Variants in PEMT observed in about 807,000 individuals in gnomAD.
PEMT encodes phosphatidylethanolamine N-methyltransferase.
In PEMT, 23 loss-of-function variants were observed where a neutral mutation model predicts 27.4. The ratio of observed to expected loss-of-function variants is 0.84; its 90% CI spans 0.60 to 1.19. PEMT has a LOEUF of 1.19. PEMT is among the 50% of genes most tolerant of loss of function. PEMT has a pLI of 0.00. For missense variants in PEMT, 307 were observed against 310.1 expected (o/e 0.99, Z 0.07); for synonymous variants, 137 against 139.1 (o/e 0.98, Z 0.11).
chr17:17,550,440 C>T (rs1031136429), intron 2 of PEMT, among the ~76,000 whole-genome samples: 1 of 152,072 alleles, frequency 6.6e-6, no homozygotes, highest in Non-Finnish European at 1.5e-5. Context: ...GGTGTGTGCA[C>T]AAGCCACACC....
At chr17:17,589,118 G>A (rs988675003) in intron 1 of PEMT, among the ~76,000 whole-genome samples, 7 of 152,252 alleles carry the variant, frequency 4.6e-5, no homozygotes, top group East Asian at 1.9e-4. Flanking sequence ...GTGCCGCCAC[G>A]CCTGGCTAAC....
intron 2 of PEMT, among the ~76,000 whole-genome samples, chr17:17,575,828 T>A (rs1167970587): frequency 6.6e-6 from 1 of 152,114 alleles, no homozygotes; most frequent in Non-Finnish European, 1.5e-5. Flanking sequence ...AACAGGGCAT[T>A]CTTTGGAATG....
At chr17:17,509,047 T>C (rs1232395627) in intron 5 of PEMT, among the ~76,000 whole-genome samples, 1 of 152,278 alleles carries the variant, frequency 6.6e-6, no homozygotes, top group Non-Finnish European at 1.5e-5. Flanking sequence ...GAATGTTTCA[T>C]GACACGTGAA....
At chr17:17,506,357 G>A (rs1030436166) in intron 5 of PEMT, 56 bp from the exon 6 acceptor site, 69 of 1,339,182 alleles carry the variant, frequency 5.2e-5, no homozygotes, top group Non-Finnish European at 6.4e-5. Flanking sequence ...TCAGGGCCAC[G>A]GCCCACCTGC....
chr17:17,548,910 C>A (rs1035299356), intron 2 of PEMT, among the ~76,000 whole-genome samples: 3 of 152,208 alleles, frequency 2.0e-5, no homozygotes, highest in South Asian at 2.1e-4. Flanking sequence ...TGGCAAGTGT[C>A]CACACTAGGT....
Position 17,543,313 on chromosome 17 carries a change from C to T in PEMT, c.205-20918G>A, listed in dbSNP as rs377390208. ...CCTTCGTCTGCCTTCCTCAGGCATA[C>T]GGCAGTGAATCCTGCAGAAGTCTCA... On this transcript the variant is annotated intron_variant, in intron 2 of 6. Transcript: ENST00000255389. Among the ~76,000 whole-genome samples the T allele has an allele frequency of 2.6e-4, 40 of 152,342 alleles. No individual in the cohort carries two copies. The South Asian group carries it at 6.2e-3, about 24-fold the overall frequency.
chr17:17,545,977 C>T (rs963726314), intron 2 of PEMT, among the ~76,000 whole-genome samples: 1 of 152,248 alleles, frequency 6.6e-6, no homozygotes, highest in Admixed American at 6.5e-5. Context: ...TGGAAGGAGG[C>T]CACGACTGAC....
rs539163965 is a variant in PEMT at position 17,584,789 on chromosome 17, A to G, written c.96+6742T>C. On this transcript the variant is annotated intron_variant, in intron 1 of 6. Coordinates refer to ENST00000255389, the MANE Select transcript of PEMT (RefSeq NM_148172.3). ...GCAAGGGACTTGCAGGAGGCAGAAC[A>G]GAGTGCTGATGAGACAAGGACGCCC... Among the ~76,000 whole-genome samples the G allele has an allele frequency of 8.5e-5, 13 of 152,386 alleles. No homozygotes were observed. In the East Asian group the frequency reaches 1.3e-3, roughly 16 times the overall value.
At chr17:17,587,330 G>T (rs1219880244) in intron 1 of PEMT, among the ~76,000 whole-genome samples, 1 of 152,130 alleles carries the variant, frequency 6.6e-6, no homozygotes, top group Non-Finnish European at 1.5e-5. Context: ...TAACTTAGAT[G>T]AAATGAACCG....
At chr17:17,545,908 T>C (rs1433479968) in intron 2 of PEMT, among the ~76,000 whole-genome samples, 1 of 152,102 alleles carries the variant, frequency 6.6e-6, no homozygotes, top group Non-Finnish European at 1.5e-5. Flanking sequence ...AGTACCGCTC[T>C]GCCTGAAAAA....
chr17:17,518,537 G>A (rs1300791139), intron 3 of PEMT, among the ~76,000 whole-genome samples: 2 of 152,178 alleles, frequency 1.3e-5, no homozygotes, highest in Non-Finnish European at 2.9e-5. Context: ...ATCCTGCCCC[G>A]GGCCTCCCCT....
intron 2 of PEMT, among the ~76,000 whole-genome samples, chr17:17,544,050 G>A (rs1597911630): frequency 1.3e-5 from 2 of 152,164 alleles, no homozygotes; most frequent in South Asian, 4.1e-4. Context: ...TGGCAGCTTA[G>A]AGGGCAGACG....
At chr17:17,543,314 G>A (rs1288821270) in intron 2 of PEMT, among the ~76,000 whole-genome samples, 1 of 152,218 alleles carries the variant, frequency 6.6e-6, no homozygotes, top group Non-Finnish European at 1.5e-5. Flanking sequence ...TCAGGCATAC[G>A]GCAGTGAATC....
At chr17:17,572,926 T>C (rs1359181816) in intron 2 of PEMT, among the ~76,000 whole-genome samples, 1 of 152,348 alleles carries the variant, frequency 6.6e-6, no homozygotes, top group South Asian at 2.1e-4. Flanking sequence ...TGGTGGCTCA[T>C]GCCTGTAATC....
intron 2 of PEMT, among the ~76,000 whole-genome samples, chr17:17,532,709 C>A (rs1597898248): frequency 6.6e-6 from 1 of 152,248 alleles, no homozygotes; most frequent in East Asian, 1.9e-4. Flanking sequence ...CCAAAACAAT[C>A]TTTTTTTAAA....
At position 17,576,861 on chromosome 17, in the gene PEMT, G is replaced by A; in HGVS notation, c.204+59C>T. On this transcript the variant is annotated intron_variant, in intron 2 of 6. Coordinates refer to ENST00000255389, the MANE Select transcript of PEMT (RefSeq NM_148172.3). ...CAGCAACCACCGCGATCCCCTGCAT[G>A]TGGGGCTCACCAAGCAGTGAGATAC... The A allele has an allele frequency of 2.2e-6, 3 of 1,368,666 alleles. No homozygotes were observed. The East Asian group carries it at 6.9e-5, about 31-fold the overall frequency. 84.8% of individuals were successfully genotyped at this position (1,368,666 alleles called of 1,614,324 possible).
intron 2 of PEMT, among the ~76,000 whole-genome samples, chr17:17,527,288 C>T (rs973656654): frequency 5.9e-5 from 9 of 152,316 alleles, no homozygotes; most frequent in African/African-American, 1.9e-4. Flanking sequence ...CCGCCCGCCT[C>T]GGCCTCTCAA....
intron 2 of PEMT, among the ~76,000 whole-genome samples, chr17:17,525,970 G>A (rs1034656136): frequency 6.6e-6 from 1 of 150,588 alleles, no homozygotes; most frequent in African/African-American, 2.5e-5. Flanking sequence ...CTCCAGCCTG[G>A]GTGACAGAGC....
At chr17:17,529,647 G>T (rs1395213198) in intron 2 of PEMT, among the ~76,000 whole-genome samples, 1 of 152,170 alleles carries the variant, frequency 6.6e-6, no homozygotes, top group African/African-American at 2.4e-5. Context: ...ACACCCGAGG[G>T]GCCATGGCAC....
Sources: allele counts gnomAD v4.1 joint callset (sites outside exome capture counted in the v4.1 genomes callset), GRCh38; gene constraint gnomAD v4.1.1; transcripts MANE v1.5; gene names NCBI Gene and HGNC (gene_info 2026-07-23, HGNC 2026-07-21).